Variants in TCF4 observed in about 807,000 individuals in gnomAD.
The protein encoded by TCF4 is transcription factor 4.
TCF4 carries 3 observed loss-of-function variants against 82.1 expected under a neutral mutation model. That is an observed-to-expected ratio of 0.04 (90% confidence interval 0.02 to 0.09). TCF4 has a LOEUF of 0.09. TCF4 is among the 10% of genes least tolerant of loss of function. The pLI is 1.00. For missense variants in TCF4, 518 were observed against 852.7 expected, an observed-to-expected ratio of 0.61 and a Z score of 4.89; for synonymous variants, 276 against 309.6, an observed-to-expected ratio of 0.89 and a Z score of 1.14.
chr18:55,476,555 AAC>A, intron 3 of TCF4, among the ~76,000 whole-genome samples: 1 of 151,838 alleles, frequency 6.6e-6, no homozygotes, highest in Non-Finnish European at 1.5e-5. Flanking sequence ...GGCTCGCTGC[AAC>A]CTCAACCTCC....
chr18:55,507,601 G>A (rs976637805), intron 3 of TCF4, among the ~76,000 whole-genome samples: 1 of 152,106 alleles, frequency 6.6e-6, no homozygotes, highest in African/African-American at 2.4e-5. Flanking sequence ...CCTACCTAGG[G>A]GTTCCATATT....
At chr18:55,280,274 T>C (rs2062316251) in intron 8 of TCF4, among the ~76,000 whole-genome samples, 1 of 152,158 alleles carries the variant, frequency 6.6e-6, no homozygotes. Context: ...AGTGTGTGCA[T>C]AGGAAGCGGG....
chr18:55,295,966 A>G (rs550166580), intron 8 of TCF4, among the ~76,000 whole-genome samples: 13 of 152,248 alleles, frequency 8.5e-5, no homozygotes, highest in South Asian at 6.2e-4. Flanking sequence ...CTGTTTGCCT[A>G]TCTCATGCTT....
chr18:55,505,580 G>A (rs914677999), intron 3 of TCF4, among the ~76,000 whole-genome samples: 2 of 151,704 alleles, frequency 1.3e-5, no homozygotes, highest in Non-Finnish European at 2.9e-5. Context: ...CGAGGCGGGC[G>A]GATCACGAGG....
In TCF4 at chr18:55,606,152, C is replaced by A. The variant is rs536891301; in HGVS notation, c.287-19016G>T. ...CCTAATACAGTATGAGATTCAATAA[C>A]GGTAACTACCCTCAAGCACTTACTA... On this transcript the variant is annotated intron_variant, in intron 2 of 20. Coordinates refer to the TCF4 transcript ENST00000398339. 5.3e-5 allele frequency among the ~76,000 whole-genome samples: 8 copies of A among 152,286 alleles called. 1 individual carries two copies. The highest frequency in any genetic ancestry group is 3.3e-4 in the Admixed American group (5 of 15,306).
At chr18:55,252,887 C>T (rs1047568751) in intron 15 of TCF4, among the ~76,000 whole-genome samples, 11 of 152,022 alleles carry the variant, frequency 7.2e-5, no homozygotes, top group South Asian at 2.1e-4. Context: ...GCTGTACAAA[C>T]GAAAATCTCA....
rs141786681 is a variant in TCF4 at position 55,545,077 on chromosome 18, G to A, written c.145+40203C>T. 1.0e-3 allele frequency among the ~76,000 whole-genome samples: 157 copies of A among 152,272 alleles called. 1 individual carries two copies. In the East Asian group the frequency reaches 0.03, roughly 29 times the overall value. On this transcript the variant is annotated intron_variant, in intron 3 of 19. Coordinates refer to ENST00000354452, the MANE Select transcript of TCF4 (RefSeq NM_001083962.2). ...CTAAAGTGCTGACATTCAAATCCTG[G>A]CTCAGCCAAATAAAAACTCTAGGAC...
intron 5 of TCF4, among the ~76,000 whole-genome samples, chr18:55,445,447 G>A (rs2095509433): frequency 6.6e-6 from 1 of 152,154 alleles, no homozygotes; most frequent in South Asian, 2.1e-4. Flanking sequence ...AGAAGCAAAA[G>A]CACGTCCTAC....
At chr18:55,516,750 C>T (rs964412307) in intron 3 of TCF4, among the ~76,000 whole-genome samples, 1 of 152,076 alleles carries the variant, frequency 6.6e-6, no homozygotes, top group African/African-American at 2.4e-5. Flanking sequence ...GAGGTGGGAG[C>T]TTGCATGGTG....
intron 2 of TCF4, among the ~76,000 whole-genome samples, chr18:55,615,869 G>A (rs1218059434): frequency 6.6e-6 from 1 of 151,934 alleles, no homozygotes; most frequent in Non-Finnish European, 1.5e-5. Flanking sequence ...ATGATATATT[G>A]TCCATTTTAT....
intron 5 of TCF4, among the ~76,000 whole-genome samples, chr18:55,458,009 C>A (rs1423144763): frequency 2.6e-5 from 4 of 151,998 alleles, no homozygotes; most frequent in African/African-American, 9.7e-5. Context: ...TAGTCCAGTA[C>A]TTTTTTCTTT....
rs147305084 is a variant in TCF4, at chr18:55,275,641, C to G, written c.767G>C (p.Ser256Thr). 6.2e-7 allele frequency: 1 copy of G among 1,613,690 alleles called. No individual in the cohort carries two copies. Among genetic ancestry groups the G allele is most frequent in the Non-Finnish European group, 8.5e-7 (1 of 1,179,786 alleles). The change falls in exon 10 of 20, where the codon AGC (serine) becomes ACC (threonine). Residue 256 changes from serine (S) to threonine (T), a missense_variant. Coordinates refer to ENST00000354452, the MANE Select transcript of TCF4 (RefSeq NM_001083962.2). ...SHIPQSSSYCSLHPHERLSYP... is the reference protein window; with the variant it reads ...SHIPQSSSYCTLHPHERLSYP... ...TACCAAACGTTCATGTGGATGCAGG[C>G]TACAGTAGCTGCTGGACTGTGGAAT...
intron 4 of TCF4, among the ~76,000 whole-genome samples, chr18:55,462,608 A>C (rs2095890231): frequency 6.6e-6 from 1 of 152,246 alleles, no homozygotes; most frequent in Admixed American, 6.5e-5. Flanking sequence ...TTAATCCTAA[A>C]TTAAGATGAT....
At chr18:55,409,993 A>T (rs1245993938) in intron 5 of TCF4, among the ~76,000 whole-genome samples, 1 of 152,222 alleles carries the variant, frequency 6.6e-6, no homozygotes, top group Non-Finnish European at 1.5e-5. Context: ...ACAGTCATTT[A>T]AAAATCTAAA....
At chr18:55,309,895 C>G (rs188935512) in intron 8 of TCF4, among the ~76,000 whole-genome samples, 1 of 152,202 alleles carries the variant, frequency 6.6e-6, no homozygotes, top group East Asian at 1.9e-4. Context: ...GTTTCACTTA[C>G]AGGAAATTCA....
intron 8 of TCF4, among the ~76,000 whole-genome samples, chr18:55,305,869 G>T (rs1425984107): frequency 6.6e-6 from 1 of 152,114 alleles, no homozygotes; most frequent in East Asian, 1.9e-4. Flanking sequence ...AATAAATGAT[G>T]AAATCAATAA....
intron 2 of TCF4, among the ~76,000 whole-genome samples, chr18:55,606,927 G>T (rs1216806486): frequency 6.6e-6 from 1 of 152,124 alleles, no homozygotes; most frequent in Non-Finnish European, 1.5e-5. Flanking sequence ...CTGGTAACTT[G>T]ATATCATTAT....
At chr18:55,263,079 C>T (rs908967238) in intron 11 of TCF4, among the ~76,000 whole-genome samples, 1 of 152,148 alleles carries the variant, frequency 6.6e-6, no homozygotes, top group Non-Finnish European at 1.5e-5. Context: ...GCTGGGATTA[C>T]AGGACTGAGT....
intron 6 of TCF4, among the ~76,000 whole-genome samples, chr18:55,385,290 T>C (rs992250681): frequency 6.6e-6 from 1 of 152,230 alleles, no homozygotes; most frequent in African/African-American, 2.4e-5. Flanking sequence ...GTTGGGAACT[T>C]GCATGGCCAT....
Sources: gnomAD v4.1 joint callset for allele counts (sites outside exome capture counted in the v4.1 genomes callset) on GRCh38, gnomAD v4.1.1 for gene constraint, MANE v1.5 for transcripts, NCBI Gene and HGNC (gene_info 2026-07-23, HGNC 2026-07-21) for gene names.